The following LZTS1 variants were observed in gnomAD, a reference collection of about 807,000 sequenced individuals.
The protein encoded by LZTS1 is leucine zipper tumor suppressor 1.
LZTS1 carries 31 observed loss-of-function variants against 45.8 expected under a neutral mutation model. The observed-to-expected ratio is 0.68, with a 90% CI of 0.51 to 0.91. The LOEUF is 0.91. Ranked by LOEUF, LZTS1 falls within the 40% of genes least tolerant of loss-of-function variation. The pLI, the probability that LZTS1 is intolerant of heterozygous loss-of-function variation, is 0.00. For missense variants in LZTS1, 821 were observed against 788.9 expected (o/e 1.04, Z -0.49); for synonymous variants, 359 against 357.3 (o/e 1.00, Z -0.05).
At chr8:20,287,431 C>G (rs1226032872) in intron 1 of LZTS1, among the ~76,000 whole-genome samples, 1 of 152,216 alleles carries the variant, frequency 6.6e-6, no homozygotes, top group Non-Finnish European at 1.5e-5. Context: ...AAAATGTAAA[C>G]CCTTGCCCAC....
intron 1 of LZTS1, among the ~76,000 whole-genome samples, chr8:20,268,164 A>ACCCCCC (rs1159704002): frequency 4.5e-5 from 2 of 44,808 alleles, no homozygotes; most frequent in Non-Finnish European, 9.1e-5. Flanking sequence ...CCCCACCCCC[A>ACCCCCC]CCCCCACCCC....
At chr8:20,264,671 C>T (rs1337362749) in intron 1 of LZTS1, among the ~76,000 whole-genome samples, 2 of 152,144 alleles carry the variant, frequency 1.3e-5, no homozygotes, top group Non-Finnish European at 2.9e-5. Context: ...TACAGAGGAG[C>T]CCCCTGCTCT....
At chr8:20,253,610 A>C (rs952336060) in intron 2 of LZTS1, 25 bp from the exon 3 acceptor site, 2 of 1,424,148 alleles carry the variant, frequency 1.4e-6, no homozygotes, top group Non-Finnish European at 1.8e-6. Flanking sequence ...GACCGCGGTG[A>C]CTCATGCCTC....
chr8:20,274,998 C>T (rs116753121), intron 1 of LZTS1, among the ~76,000 whole-genome samples: 1,369 of 90,106 alleles, frequency 0.015, 21 homozygotes, highest in African/African-American at 0.061. Context: ...AATGGGATTA[C>T]CTCTCAGGAT....
In LZTS1 at chr8:20,250,043, C is replaced by T. The variant is rs564237109; in HGVS notation, c.1470G>A (p.Pro490=). 28 of 1,609,368 alleles carry T rather than the reference C, an allele frequency of 1.7e-5. No individual in the cohort carries two copies. The highest frequency in any genetic ancestry group is 1.5e-4 in the Admixed American group (9 of 59,946). ...CAGGGACGTCCTCGGGGAAGGTGGG[C>T]GGCCCCATGTCGCGGGCCAGGGCGG... ...AQAALARDMG[P]PTFPEDVPAL... Residue 490 remains proline (P), a synonymous_variant, in exon 4 of 4, where the codon CCG becomes CCA. Transcript: ENST00000381569.
intron 1 of LZTS1, among the ~76,000 whole-genome samples, chr8:20,265,770 GC>G (rs1800342435): frequency 7.0e-6 from 1 of 142,148 alleles, no homozygotes; most frequent in Non-Finnish European, 1.5e-5. Flanking sequence ...AAAGAATACA[GC>G]CCTGTTTCAG....
At chr8:20,298,565 G>A (rs922025207) in intron 1 of LZTS1, among the ~76,000 whole-genome samples, 3 of 152,204 alleles carry the variant, frequency 2.0e-5, no homozygotes, top group Non-Finnish European at 2.9e-5. Flanking sequence ...GTGTCCAGCA[G>A]GAAGCAACAG....
rs1467761462 is a variant in LZTS1, at chr8:20,253,580, G to A, written c.351C>T (p.Ser117=). 19 of 1,453,420 alleles carry A rather than the reference G, an allele frequency of 1.3e-5. No individual in the cohort carries two copies. The highest frequency in any genetic ancestry group is 4.9e-5 in the East Asian group (2 of 40,934). The allele number at this position is 1,453,420 out of a possible 1,614,324, so 90.0% of individuals were successfully genotyped here. A position where few individuals can be genotyped will look rare whatever the true frequency, so the allele number is the denominator to read the frequency against. Residue 117 remains serine (S), a synonymous_variant, in exon 3 of 4, where the codon TCC becomes TCT. Coordinates refer to ENST00000381569, the MANE Select transcript of LZTS1 (RefSeq NM_021020.5). ...CTGTGGGCCTCACTGCACCCTTCTCGGAGCCCTGTAGAGGAAAAGGACCGC... is the reference window on the plus strand; with the variant it reads ...CTGTGGGCCTCACTGCACCCTTCTCAGAGCCCTGTAGAGGAAAAGGACCGC... ...MPFSNQLEMG[S]EKGAVRPTAF... is the part of the protein sequence containing the mutation.
intron 1 of LZTS1, among the ~76,000 whole-genome samples, chr8:20,282,649 T>TAA (rs1297576990): frequency 6.6e-6 from 1 of 152,238 alleles, no homozygotes; most frequent in African/African-American, 2.4e-5. Flanking sequence ...TGTAAGGGGC[T>TAA]GTCCTGTGTG....
chr8:20,254,800 T>C, intron 2 of LZTS1, 37 bp downstream of exon 2: 1 of 1,544,248 alleles, frequency 6.5e-7, no homozygotes, highest in Non-Finnish European at 8.8e-7. Flanking sequence ...CTCCTGCGTT[T>C]CCAACCCACT....
Position 20,250,264 on chromosome 8 carries a change from C to A in LZTS1, c.1249G>T (p.Ala417Ser), listed in dbSNP as rs537703016. 6.2e-7 allele frequency: 1 copy of A among 1,613,844 alleles called. No individual in the cohort carries two copies. Among genetic ancestry groups the A allele is most frequent in the East Asian group, 2.2e-5 (1 of 44,876 alleles). ...TTGCCCCGCGTGTCCTTCAGCTGTG[C>A]CTTGAGACCCAGGATCTCGCTAGCC... ...AKASEILGLK[A>S]QLKDTRGKLE... is the part of the protein sequence containing the mutation. The change falls in exon 4 of 4, where the codon GCA becomes TCA. Residue 417 changes from alanine to serine, a missense_variant. Transcript: ENST00000381569.
intron 1 of LZTS1, among the ~76,000 whole-genome samples, chr8:20,286,420 T>C (rs530943683): frequency 6.6e-6 from 1 of 152,332 alleles, no homozygotes; most frequent in African/African-American, 2.4e-5. Flanking sequence ...TGAGTACTGA[T>C]TAGGAAAATG....
intron 1 of LZTS1, among the ~76,000 whole-genome samples, chr8:20,278,870 G>A (rs1015357427): frequency 6.6e-6 from 1 of 152,120 alleles, no homozygotes; most frequent in Non-Finnish European, 1.5e-5. Flanking sequence ...TCCAATAATT[G>A]TCTTAATTTC....
intron 1 of LZTS1, among the ~76,000 whole-genome samples, chr8:20,273,300 A>T (rs1235141791): frequency 6.6e-6 from 1 of 152,002 alleles, no homozygotes; most frequent in Non-Finnish European, 1.5e-5. Flanking sequence ...GATGCTTTTC[A>T]GGCTGTATCT....
chr8:20,283,007 G>A (rs903345911), intron 1 of LZTS1, among the ~76,000 whole-genome samples: 4 of 152,122 alleles, frequency 2.6e-5, no homozygotes, highest in African/African-American at 9.7e-5. Flanking sequence ...CATGCACCAT[G>A]GAGCATCCCT....
chr8:20,303,438 G>T (rs1801115896), intron 1 of LZTS1, among the ~76,000 whole-genome samples: 1 of 152,194 alleles, frequency 6.6e-6, no homozygotes, highest in African/African-American at 2.4e-5. Flanking sequence ...GCCAGGATCA[G>T]CATCGGTGCT....
At chr8:20,294,042 G>T (rs527725355) in intron 1 of LZTS1, among the ~76,000 whole-genome samples, 1 of 152,290 alleles carries the variant, frequency 6.6e-6, no homozygotes, top group East Asian at 1.9e-4. Context: ...TGTGTGTAGG[G>T]GAGACAGGGA....
intron 1 of LZTS1, among the ~76,000 whole-genome samples, chr8:20,286,798 C>T (rs111595684): frequency 6.2e-4 from 94 of 152,268 alleles, no homozygotes; most frequent in African/African-American, 2.0e-3. Flanking sequence ...CAGGGAGCAA[C>T]GGGCACGAAT....
At chr8:20,281,470 G>A (rs1437193992) in intron 1 of LZTS1, among the ~76,000 whole-genome samples, 1 of 152,200 alleles carries the variant, frequency 6.6e-6, no homozygotes, top group Non-Finnish European at 1.5e-5. Flanking sequence ...CTACTCGGGA[G>A]GCCGAGGCAG....
Sources: gnomAD v4.1 joint callset for allele counts (sites outside exome capture counted in the v4.1 genomes callset) on GRCh38, gnomAD v4.1.1 for gene constraint, MANE v1.5 for transcripts, NCBI Gene and HGNC (gene_info 2026-07-23, HGNC 2026-07-21) for gene names.